Variants in ZRANB3 observed in about 807,000 individuals in gnomAD.
The protein encoded by ZRANB3 is zinc finger RANBP2-type containing 3.
A neutral mutation model predicts 133.8 loss-of-function variants in ZRANB3; 125 were observed. The ratio of observed to expected loss-of-function variants is 0.93; its 90% CI spans 0.81 to 1.08. The LOEUF (loss-of-function observed/expected upper bound fraction) is 1.08. ZRANB3 is among the 50% of genes least tolerant of loss of function. The pLI is 0.00. For synonymous variants in ZRANB3, 387 were observed against 432.7 expected, an observed-to-expected ratio of 0.89 and a Z score of 1.31; for missense variants, 1,229 against 1,275.5, an observed-to-expected ratio of 0.96 and a Z score of 0.56.
At chr2:135,249,870 T>A (rs965062035) in intron 12 of ZRANB3, among the ~76,000 whole-genome samples, 5 of 152,226 alleles carry the variant, frequency 3.3e-5, no homozygotes, top group African/African-American at 1.2e-4. Context: ...ATCTGCAGCA[T>A]GAAAATGGAC....
chr2:135,516,338 G>T (rs1196643477), intron 1 of ZRANB3, among the ~76,000 whole-genome samples: 1 of 152,148 alleles, frequency 6.6e-6, no homozygotes, highest in Non-Finnish European at 1.5e-5. Context: ...TTGCCCATTA[G>T]TTGATGAAAT....
intron 2 of ZRANB3, among the ~76,000 whole-genome samples, chr2:135,482,806 A>T (rs965582237): frequency 2.6e-5 from 4 of 152,216 alleles, no homozygotes; most frequent in Admixed American, 2.6e-4. Flanking sequence ...TACCTAATTT[A>T]TTGAGAGTTT....
intron 8 of ZRANB3, among the ~76,000 whole-genome samples, chr2:135,308,128 G>C (rs1185525125): frequency 6.6e-6 from 1 of 152,082 alleles, no homozygotes; most frequent in Non-Finnish European, 1.5e-5. Flanking sequence ...GACTTTCTTG[G>C]TGTTCCTGTC....
chr2:135,276,500 C>T (rs765600953), intron 8 of ZRANB3, among the ~76,000 whole-genome samples: 1 of 151,876 alleles, frequency 6.6e-6, no homozygotes, highest in Non-Finnish European at 1.5e-5. Flanking sequence ...AAGTTACTTA[C>T]TAAGAGTGAA....
chr2:135,448,760 C>T (rs1293133296), intron 2 of ZRANB3, among the ~76,000 whole-genome samples: 1 of 152,166 alleles, frequency 6.6e-6, no homozygotes, highest in South Asian at 2.1e-4. Flanking sequence ...CACAAAAAAA[C>T]TTTGTAAAGA....
intron 8 of ZRANB3, among the ~76,000 whole-genome samples, chr2:135,309,964 T>C (rs559526048): frequency 1.3e-4 from 20 of 152,172 alleles, no homozygotes; most frequent in African/African-American, 4.8e-4. Flanking sequence ...GGAGACAGAG[T>C]CTTGCTCTGT....
chr2:135,219,536 A>G (rs1202990066), intron 15 of ZRANB3, among the ~76,000 whole-genome samples: 1 of 152,246 alleles, frequency 6.6e-6, no homozygotes, highest in Non-Finnish European at 1.5e-5. Context: ...ATATAGAAGA[A>G]TATTACATCC....
At chr2:135,502,594 C>G (rs1692997609) in intron 2 of ZRANB3, among the ~76,000 whole-genome samples, 2 of 152,136 alleles carry the variant, frequency 1.3e-5, no homozygotes, top group Admixed American at 1.3e-4. Context: ...AGATTTCAAC[C>G]AAGTCTAAAC....
chr2:135,429,847 A>G (rs1410071541), intron 2 of ZRANB3, among the ~76,000 whole-genome samples: 1 of 152,224 alleles, frequency 6.6e-6, no homozygotes, highest in Non-Finnish European at 1.5e-5. Flanking sequence ...ATAAAAAACA[A>G]AAGTAAAGTT....
In ZRANB3 at chr2:135,207,487, G is replaced by C. The variant is rs368622931; in HGVS notation, c.2956C>G (p.Gln986Glu). Residue 986 changes from glutamine to glutamate, a missense_variant, in exon 19 of 21, where the codon CAG becomes GAG. Physicochemically the swap from Gln to Glu is conservative, Grantham distance 29 (BLOSUM62 2). Transcript: ENST00000264159. ...GTAGCATACAGAAGATTCTTCCTCT[G>C]ACTTTTAGGGGCATCTCTCAGACGT... The part of the protein sequence containing the change: ...FLRLRDAPKS[Q>E]RKNLLYATWT... 6.2e-7 allele frequency: 1 copy of C among 1,613,886 alleles called. No individual in the cohort carries two copies. The highest frequency in any genetic ancestry group is 8.5e-7 in the Non-Finnish European group (1 of 1,179,844).
intron 2 of ZRANB3, among the ~76,000 whole-genome samples, chr2:135,434,564 T>C (rs1391835429): frequency 5.3e-5 from 8 of 152,262 alleles, no homozygotes; most frequent in Admixed American, 5.2e-4. Context: ...TAGTTTCTCT[T>C]ATAGCCCAGT....
intron 2 of ZRANB3, among the ~76,000 whole-genome samples, chr2:135,408,793 G>A (rs1298366196): frequency 6.6e-6 from 1 of 151,992 alleles, no homozygotes; most frequent in East Asian, 1.9e-4. Flanking sequence ...CATGGAGACA[G>A]GAAGGGGAAC....
At chr2:135,294,871 G>A (rs992664618) in intron 8 of ZRANB3, among the ~76,000 whole-genome samples, 2 of 152,110 alleles carry the variant, frequency 1.3e-5, no homozygotes, top group Non-Finnish European at 2.9e-5. Flanking sequence ...ACTCATTCAG[G>A]AGCAGGTTGT....
chr2:135,320,588 C>T (rs1414436039), intron 6 of ZRANB3, among the ~76,000 whole-genome samples: 2 of 152,064 alleles, frequency 1.3e-5, no homozygotes, highest in Non-Finnish European at 2.9e-5. Context: ...TTTTAATCTC[C>T]TTTTGATCAT....
intron 12 of ZRANB3, among the ~76,000 whole-genome samples, chr2:135,246,048 T>G (rs999533471): frequency 1.4e-5 from 2 of 144,100 alleles, no homozygotes; most frequent in Admixed American, 6.9e-5. Context: ...TCTTTTTTTT[T>G]TTTTTTTTGA....
chr2:135,496,681 T>C (rs569018546), intron 2 of ZRANB3, among the ~76,000 whole-genome samples: 1 of 152,276 alleles, frequency 6.6e-6, no homozygotes, highest in African/African-American at 2.4e-5. Context: ...AAATATACTT[T>C]CTGAAATTAA....
At chr2:135,247,838 G>A (rs1393936910) in intron 12 of ZRANB3, among the ~76,000 whole-genome samples, 1 of 152,198 alleles carries the variant, frequency 6.6e-6, no homozygotes, top group African/African-American at 2.4e-5. Context: ...CAGCTTTGGA[G>A]AGTCCAAGCG....
chr2:135,260,595 G>C (rs1679906364), intron 12 of ZRANB3, among the ~76,000 whole-genome samples: 1 of 146,564 alleles, frequency 6.8e-6, no homozygotes, highest in African/African-American at 2.5e-5. Context: ...ATATATTCAA[G>C]TATATATAGT....
intron 2 of ZRANB3, among the ~76,000 whole-genome samples, chr2:135,485,596 A>G (rs1692078610): frequency 6.6e-6 from 1 of 152,176 alleles, no homozygotes; most frequent in African/African-American, 2.4e-5. Flanking sequence ...TTTAATCTTT[A>G]TAGTTGGTCA....
Sources: allele counts gnomAD v4.1 joint callset (sites outside exome capture counted in the v4.1 genomes callset), GRCh38; gene constraint gnomAD v4.1.1; transcripts MANE v1.5; gene names NCBI Gene and HGNC (gene_info 2026-07-23, HGNC 2026-07-21).